The following CRISP2 variants were observed in gnomAD, a reference collection of about 807,000 sequenced individuals.
CRISP2 encodes the protein cysteine rich secretory protein 2.
A neutral mutation model predicts 31.7 loss-of-function variants in CRISP2; 29 were observed. The ratio of observed to expected loss-of-function variants is 0.92; its 90% confidence interval spans 0.68 to 1.25. The LOEUF is 1.25. CRISP2 is among the 50% of genes most tolerant of loss of function. CRISP2 has a pLI of 0.00. For synonymous variants in CRISP2, 111 were observed against 101.4 expected (o/e 1.09, Z -0.57); for missense variants, 318 against 286.5 (o/e 1.11, Z -0.79).
Position 49,707,502 on chromosome 6 carries a change from A to T in CRISP2, c.66+1629T>A, listed in dbSNP as rs1402148236. On this transcript the variant is annotated intron_variant, in intron 4 of 9. Coordinates refer to ENST00000339139, the MANE Select transcript of CRISP2 (RefSeq NM_003296.4). The stretch of plus-strand genomic sequence containing the variant: ...CATCTCACTTTTTAATAATTTTATA[A>T]ATGAAGACCAGGAGATGAGCTGAGA... Among the ~76,000 whole-genome samples the T allele has an allele frequency of 2.6e-5, 4 of 152,174 alleles. No homozygotes were observed. In the East Asian group the frequency reaches 5.8e-4, roughly 22 times the overall value.
chr6:49,680,079 T>C, the CRISP2 span, among the ~76,000 whole-genome samples: 2 of 152,164 alleles, frequency 1.3e-5, no homozygotes, highest in African/African-American at 2.4e-5. Context: ...CAGTTTGTTG[T>C]ACAGATTATT....
chr6:49,678,690 A>G, the CRISP2 span, among the ~76,000 whole-genome samples: 1 of 152,164 alleles, frequency 6.6e-6, no homozygotes, highest in Non-Finnish European at 1.5e-5. Context: ...TTTTACCATT[A>G]GAACTAGTCT....
chr6:49,702,933 T>C (rs1419272743), intron 4 of CRISP2, among the ~76,000 whole-genome samples: 2 of 152,150 alleles, frequency 1.3e-5, no homozygotes, highest in Non-Finnish European at 2.9e-5. Flanking sequence ...TGTTATCTTC[T>C]AGAGTTTACA....
intron 4 of CRISP2, among the ~76,000 whole-genome samples, chr6:49,708,419 T>G (rs1767436291): frequency 6.6e-6 from 1 of 152,216 alleles, no homozygotes; most frequent in Admixed American, 6.5e-5. Flanking sequence ...GTTCAGGATC[T>G]CAGGATGAGA....
intron 4 of CRISP2, among the ~76,000 whole-genome samples, chr6:49,707,217 A>C (rs1169546506): frequency 6.6e-6 from 1 of 152,238 alleles, no homozygotes; most frequent in African/African-American, 2.4e-5. Flanking sequence ...TAAAGAGTTT[A>C]TATTGAATAA....
chr6:49,701,875 GTATTATA>G (rs1158861905), intron 4 of CRISP2, among the ~76,000 whole-genome samples: 4 of 90,656 alleles, frequency 4.4e-5, no homozygotes, highest in East Asian at 2.9e-4. Flanking sequence ...TATATATTAT[GTATTATA>G]TATTATATAT....
chr6:49,685,847 A>G, the CRISP2 span, among the ~76,000 whole-genome samples: 1 of 152,012 alleles, frequency 6.6e-6, no homozygotes, highest in African/African-American at 2.4e-5. Flanking sequence ...TCTTAATTAT[A>G]TTAATTATAC....
chr6:49,691,595 A>C (rs919722261), downstream of CRISP2, among the ~76,000 whole-genome samples: 6 of 151,942 alleles, frequency 3.9e-5, no homozygotes, highest in East Asian at 3.8e-4. Flanking sequence ...ATCTCTCTCT[A>C]TATATTTTTT....
At chr6:49,677,762 A>T in the CRISP2 span, among the ~76,000 whole-genome samples, 1 of 152,168 alleles carries the variant, frequency 6.6e-6, no homozygotes, top group Non-Finnish European at 1.5e-5. Context: ...CAAGCTTAAT[A>T]ATGAATAAAC....
rs184432808 is a variant in CRISP2 at position 49,701,749 on chromosome 6, A to T, written c.67-965T>A. ...TATAATGTATATATACACGGTATAT[A>T]TATAATGTATACATTATATATGTAT... On this transcript the variant is annotated intron_variant, in intron 4 of 9. Coordinates refer to ENST00000339139, the MANE Select transcript of CRISP2 (RefSeq NM_003296.4). Among the ~76,000 whole-genome samples, 549 of 105,450 alleles carry T rather than the reference A, an allele frequency of 5.2e-3. 9 individuals are homozygous for T. Among genetic ancestry groups the T allele is most frequent in the African/African-American group, 0.02 (519 of 26,588 alleles). 69.2% of individuals were successfully genotyped at this position (105,450 alleles called of 152,430 possible).
the CRISP2 span, among the ~76,000 whole-genome samples, chr6:49,681,127 GT>G: frequency 6.6e-6 from 1 of 152,062 alleles, no homozygotes; most frequent in Non-Finnish European, 1.5e-5. Flanking sequence ...ATAGTTTTGG[GT>G]TTTACATTTA....
At chr6:49,687,192 C>G in the CRISP2 span, among the ~76,000 whole-genome samples, 7 of 151,898 alleles carry the variant, frequency 4.6e-5, no homozygotes, top group African/African-American at 1.2e-4. Flanking sequence ...CCTAAAAAAG[C>G]CTTTAATTTT....
intron 3 of CRISP2, 46 bp from the exon 4 acceptor site, chr6:49,709,251 A>G: frequency 1.3e-6 from 2 of 1,552,816 alleles, no homozygotes; most frequent in Non-Finnish European, 1.8e-6. Context: ...TGTAGTTTAA[A>G]AAACTTCTAA....
the CRISP2 span, among the ~76,000 whole-genome samples, chr6:49,684,389 A>G: frequency 6.6e-6 from 1 of 152,198 alleles, no homozygotes; most frequent in Non-Finnish European, 1.5e-5. Context: ...TGCATGTTCA[A>G]TACATATGCA....
intron 5 of CRISP2, 52 bp downstream of exon 5, chr6:49,700,616 G>T (rs1765500061): frequency 3.6e-6 from 4 of 1,105,738 alleles, no homozygotes; most frequent in Admixed American, 1.8e-5. Flanking sequence ...GCCAGCCGTC[G>T]GCTCCTTCCA....
At chr6:49,704,102 C>A (rs771547407) in intron 4 of CRISP2, among the ~76,000 whole-genome samples, 1 of 152,072 alleles carries the variant, frequency 6.6e-6, no homozygotes, top group African/African-American at 2.4e-5. Flanking sequence ...AAAGCCATAT[C>A]TTCAAGCTCT....
chr6:49,677,487 A>G, the CRISP2 span, among the ~76,000 whole-genome samples: 9 of 152,266 alleles, frequency 5.9e-5, no homozygotes, highest in East Asian at 1.9e-4. Context: ...CACGGATGAC[A>G]ACTATTCTCT....
At chr6:49,687,990 A>C (rs1422304171), downstream of CRISP2, among the ~76,000 whole-genome samples, 2 of 152,178 alleles carry the variant, frequency 1.3e-5, no homozygotes, top group African/African-American at 4.8e-5. Context: ...ACAACTGGGG[A>C]AATACCAGCC....
intron 4 of CRISP2, among the ~76,000 whole-genome samples, chr6:49,706,038 GT>G (rs1454252499): frequency 6.6e-6 from 1 of 152,230 alleles, no homozygotes; most frequent in African/African-American, 2.4e-5. Flanking sequence ...GCAACTGCAA[GT>G]TAGTCCTGCC....
Sources: allele counts gnomAD v4.1 joint callset (sites outside exome capture counted in the v4.1 genomes callset), GRCh38; gene constraint gnomAD v4.1.1; transcripts MANE v1.5; gene names NCBI Gene and HGNC (gene_info 2026-07-23, HGNC 2026-07-21).